The following NXN variants were observed in gnomAD, a reference collection of about 807,000 sequenced individuals.
The protein encoded by NXN is nucleoredoxin.
In NXN, 16 loss-of-function variants were observed where a neutral mutation model predicts 48.6. That is an observed-to-expected ratio of 0.33 (90% CI 0.22 to 0.50). NXN has a LOEUF of 0.50. Ranked by LOEUF, NXN falls within the 20% of genes least tolerant of loss-of-function variation. The probability of loss-of-function intolerance (pLI) is 0.98; values close to 1 mark genes in which losing one functional copy is unlikely to be tolerated. For synonymous variants in NXN, 281 were observed against 269.6 expected (o/e 1.04, Z -0.41); for missense variants, 492 against 605.5 (o/e 0.81, Z 1.97).
intron 1 of NXN, among the ~76,000 whole-genome samples, chr17:885,428 G>C (rs34439136): frequency 0.4 from 59,608 of 150,720 alleles, 13,785 homozygotes; most frequent in East Asian, 0.61. Flanking sequence ...AGTGAGCGGA[G>C]ATCGCACCAC....
intron 1 of NXN, among the ~76,000 whole-genome samples, chr17:860,907 G>A (rs2068033676): frequency 6.6e-6 from 1 of 152,126 alleles, no homozygotes; most frequent in South Asian, 2.1e-4. Context: ...CTCCTTTCTT[G>A]GATGTGATCT....
chr17:954,053 G>T (rs1311949474), intron 1 of NXN, among the ~76,000 whole-genome samples: 1 of 152,204 alleles, frequency 6.6e-6, no homozygotes, highest in Non-Finnish European at 1.5e-5. Context: ...AGCACACCAA[G>T]ATGATTCTTG....
chr17:870,581 A>G (rs1441508365), intron 1 of NXN, among the ~76,000 whole-genome samples: 1 of 150,228 alleles, frequency 6.7e-6, no homozygotes, highest in Non-Finnish European at 1.5e-5. Context: ...TGTCTCTACA[A>G]AAAAAAAAGT....
chr17:896,131 G>A (rs920977264), intron 1 of NXN, among the ~76,000 whole-genome samples: 2 of 151,920 alleles, frequency 1.3e-5, no homozygotes, highest in Non-Finnish European at 2.9e-5. Flanking sequence ...CCTGAGGTCG[G>A]GAGTTCGAGA....
intron 1 of NXN, among the ~76,000 whole-genome samples, chr17:963,214 GACACAC>G (rs58535607): frequency 7.0e-6 from 1 of 142,890 alleles, no homozygotes; most frequent in Non-Finnish European, 1.5e-5. Context: ...TACTGGGACG[GACACAC>G]ACACACACAC....
At chr17:813,685 C>T (rs1339828435) in intron 5 of NXN, among the ~76,000 whole-genome samples, 1 of 152,126 alleles carries the variant, frequency 6.6e-6, no homozygotes, top group Non-Finnish European at 1.5e-5. Flanking sequence ...GAGACTACGG[C>T]CGGCCGGGCG....
intron 5 of NXN, among the ~76,000 whole-genome samples, chr17:812,669 T>TGCGA (rs1567812508): frequency 1.0e-4 from 15 of 150,480 alleles, no homozygotes; most frequent in Admixed American, 9.9e-4. Flanking sequence ...TGTAGGTGTG[T>TGCGA]GTGAGTGTAG....
intron 1 of NXN, among the ~76,000 whole-genome samples, chr17:874,571 G>A (rs368410066): frequency 3.2e-4 from 48 of 152,170 alleles, no homozygotes; most frequent in East Asian, 1.4e-3. Flanking sequence ...GTGACAGAGC[G>A]AGACTCTGTC....
At chr17:974,334 G>C (rs1297191933) in intron 1 of NXN, among the ~76,000 whole-genome samples, 4 of 151,932 alleles carry the variant, frequency 2.6e-5, no homozygotes, top group African/African-American at 9.7e-5. Context: ...CTGGGTGACA[G>C]AGCGAGACTC....
At chr17:939,181 A>T (rs1027474628) in intron 1 of NXN, among the ~76,000 whole-genome samples, 9 of 152,242 alleles carry the variant, frequency 5.9e-5, no homozygotes, top group African/African-American at 2.2e-4. Flanking sequence ...ATGTGCACAG[A>T]GAAGAATATA....
intron 5 of NXN, among the ~76,000 whole-genome samples, chr17:816,046 A>C (rs550867224): frequency 1.6e-4 from 25 of 152,290 alleles, no homozygotes; most frequent in Admixed American, 9.2e-4. Context: ...GAAAATCCAC[A>C]GCCATCAGGA....
In NXN at chr17:919,723, A is replaced by C. The variant is rs368009406; in HGVS notation, c.360+59596T>G. Among the ~76,000 whole-genome samples the C allele has an allele frequency of 6.6e-6, 1 of 152,128 alleles. No homozygotes were observed. Among genetic ancestry groups the C allele is most frequent in the East Asian group, 1.9e-4 (1 of 5,186 alleles). The stretch of plus-strand genomic sequence containing the variant: ...TGCGTGGCTCCAGAACAACAACTGA[A>C]AATAATATTGGAACGCAGTCCAGAA... On this transcript the variant is annotated intron_variant, in intron 1 of 7. Coordinates refer to ENST00000336868, the MANE Select transcript of NXN (RefSeq NM_022463.5). This position sits in a 1 kb window ranked among gnomAD's most constrained non-coding sequence, Gnocchi z 5.1.
intron 1 of NXN, among the ~76,000 whole-genome samples, chr17:884,793 C>T (rs552198221): frequency 1.3e-5 from 2 of 152,296 alleles, no homozygotes; most frequent in South Asian, 2.1e-4. Context: ...GAAGACGGAT[C>T]CCAAGTGTCT....
At chr17:954,356 T>G (rs1406194184) in intron 1 of NXN, among the ~76,000 whole-genome samples, 2 of 144,554 alleles carry the variant, frequency 1.4e-5, no homozygotes, top group Non-Finnish European at 1.5e-5. Flanking sequence ...ACTCCAGCCT[T>G]GGTGACAGAG....
chr17:887,466 C>T lies in NXN; in HGVS notation c.361-61388G>A, dbSNP rs79362681. Among the ~76,000 whole-genome samples the T allele has an allele frequency of 8.5e-5, 13 of 152,290 alleles. No homozygotes were observed. In the East Asian group the frequency reaches 2.1e-3, roughly 25 times the overall value. Reference sequence around the variant, plus strand: ...CCAAAGTCAAGAATACCTTCTTCTGCACCACATTCTCGGAGATTTTCCAAA... The same window carrying T: ...CCAAAGTCAAGAATACCTTCTTCTGTACCACATTCTCGGAGATTTTCCAAA... On this transcript the variant is annotated intron_variant, in intron 1 of 7. Coordinates refer to ENST00000336868, the MANE Select transcript of NXN (RefSeq NM_022463.5).
chr17:861,547 G>A (rs2068040778), intron 1 of NXN, among the ~76,000 whole-genome samples: 1 of 152,178 alleles, frequency 6.6e-6, no homozygotes, highest in Non-Finnish European at 1.5e-5. Context: ...AAGGGAAGGA[G>A]GATTTCTCAG....
At chr17:855,450 G>A (rs1829429555) in intron 1 of NXN, among the ~76,000 whole-genome samples, 2 of 152,288 alleles carry the variant, frequency 1.3e-5, no homozygotes, top group African/African-American at 2.4e-5. Context: ...TTTGCGGCTA[G>A]TAAAAACTTG....
chr17:883,884 A>G (rs1292523254), intron 1 of NXN, among the ~76,000 whole-genome samples: 1 of 152,140 alleles, frequency 6.6e-6, no homozygotes. Context: ...GGCCAGCCTG[A>G]GCAACATATG....
intron 1 of NXN, among the ~76,000 whole-genome samples, chr17:903,278 T>C (rs2068553652): frequency 6.6e-6 from 1 of 152,186 alleles, no homozygotes; most frequent in African/African-American, 2.4e-5. Context: ...CCATCTTGGC[T>C]CACTGCAACC....
Sources: allele counts gnomAD v4.1 joint callset (sites outside exome capture counted in the v4.1 genomes callset), GRCh38; gene constraint gnomAD v4.1.1; non-coding constraint Gnocchi (gnomAD v3.1); transcripts MANE v1.5; gene names NCBI Gene and HGNC (gene_info 2026-07-23, HGNC 2026-07-21).